Variants in TWIST2 observed in about 807,000 individuals in gnomAD.
TWIST2 encodes the protein twist-related protein 2.
Under a neutral mutation model 11.6 loss-of-function variants are expected in TWIST2, and 1 was observed. That is an observed-to-expected ratio of 0.09 (90% confidence interval 0.03 to 0.41). The LOEUF (loss-of-function observed/expected upper bound fraction) is 0.41, where lower values mean the gene tolerates loss of function less well. Among genes scored for constraint, TWIST2 ranks in the 10% least tolerant of loss-of-function variants. The pLI, the probability that TWIST2 is intolerant of heterozygous loss-of-function variation, is 0.98. For missense variants in TWIST2, 168 were observed against 226.4 expected, an observed-to-expected ratio of 0.74 and a Z score of 1.66; for synonymous variants, 87 against 96.6, an observed-to-expected ratio of 0.90 and a Z score of 0.58.
chr2:238,894,222 C>T (rs1283462007), intron 1 of TWIST2, among the ~76,000 whole-genome samples: 1 of 152,218 alleles, frequency 6.6e-6, no homozygotes, highest in African/African-American at 2.4e-5. Flanking sequence ...GGGTTCCCAG[C>T]ATGTCCCTTT....
intron 1 of TWIST2, among the ~76,000 whole-genome samples, chr2:238,896,753 C>CCA (rs1181423231): frequency 1.1e-4 from 17 of 152,116 alleles, no homozygotes; most frequent in Non-Finnish European, 1.5e-4. Flanking sequence ...CCAGCCGCTG[C>CCA]CACACACACA....
intron 1 of TWIST2, among the ~76,000 whole-genome samples, chr2:238,878,423 A>G (rs541577279): frequency 6.6e-6 from 1 of 152,296 alleles, no homozygotes; most frequent in Admixed American, 6.5e-5. Context: ...TGTGATGAGA[A>G]AAAGAGGATG....
intron 1 of TWIST2, among the ~76,000 whole-genome samples, chr2:238,909,581 C>T (rs934860303): frequency 2.0e-5 from 3 of 152,076 alleles, no homozygotes; most frequent in Non-Finnish European, 4.4e-5. Context: ...TGAGAAAGGG[C>T]ACTCGGGGGC....
chr2:238,895,091 G>A (rs889870773), intron 1 of TWIST2, among the ~76,000 whole-genome samples: 28 of 152,290 alleles, frequency 1.8e-4, no homozygotes, highest in Admixed American at 9.1e-4. Flanking sequence ...ATTTTCGTTC[G>A]CTGCTGCTGC....
intron 1 of TWIST2, among the ~76,000 whole-genome samples, chr2:238,869,588 A>C (rs1692609048): frequency 6.6e-6 from 1 of 152,248 alleles, no homozygotes; most frequent in African/African-American, 2.4e-5. Flanking sequence ...GCCAACAAGC[A>C]CATGAAAAGA....
intron 1 of TWIST2, among the ~76,000 whole-genome samples, chr2:238,906,998 C>CACTT (rs1270267933): frequency 2.6e-4 from 39 of 152,342 alleles, no homozygotes; most frequent in African/African-American, 8.2e-4. Context: ...TGGGAGTGAG[C>CACTT]ACTTACACGG....
chr2:238,903,355 G>A (rs1335090080), intron 1 of TWIST2, among the ~76,000 whole-genome samples: 5 of 146,996 alleles, frequency 3.4e-5, no homozygotes, highest in African/African-American at 1.0e-4. Context: ...TAGTGTGTGT[G>A]TAATGTGAGG....
At chr2:238,902,906 T>TGTGTGATGGGG (rs1693291879) in intron 1 of TWIST2, among the ~76,000 whole-genome samples, 1 of 94,000 alleles carries the variant, frequency 1.1e-5, no homozygotes, top group Admixed American at 1.1e-4. Flanking sequence ...GTGTGATGGG[T>TGTGTGATGGGG]ATGTGCGTGA....
chr2:238,901,534 G>C (rs906461188), intron 1 of TWIST2, among the ~76,000 whole-genome samples: 1 of 152,188 alleles, frequency 6.6e-6, no homozygotes, highest in African/African-American at 2.4e-5. Flanking sequence ...GTTCAGCCTG[G>C]ATGTGCCCCC....
chr2:238,908,361 TACAC>T lies in TWIST2; in HGVS notation c.*36-1477_*36-1474del, dbSNP rs1274807986. On this transcript the variant is annotated intron_variant, in intron 1 of 1. Transcript: ENST00000612363. ...ACACACAAACACACCACACCCCACA[TACAC>T]ACAAACACAAACCACATGCACCACA... 4.3e-5 allele frequency among the ~76,000 whole-genome samples: 6 copies of T among 139,086 alleles called. No homozygotes were observed. In the South Asian group the frequency reaches 7.1e-4, roughly 16 times the overall value. The allele number at this position is 139,086 out of a possible 152,430, so 91.2% of individuals were successfully genotyped here. A position where few individuals can be genotyped will look rare whatever the true frequency, so the allele number is the denominator to read the frequency against.
In TWIST2 at chr2:238,848,556, T is replaced by G. The variant is rs757806034; in HGVS notation, c.341T>G (p.Ile114Arg). The change falls in exon 1 of 2, where the codon ATA becomes AGA. Residue 114 changes from isoleucine (I) to arginine (R), a missense_variant. Ile to Arg is a moderately conservative substitution (Grantham distance 97). This residue lies in a region of TWIST2 where 62 missense variants were observed against 75.3 expected (regional missense o/e 0.82). Coordinates refer to ENST00000612363, the MANE Select transcript of TWIST2 (RefSeq NM_001271893.4). Reference protein sequence around the residue: ...IQTLKLAARYIDFLYQVLQSD... With the variant: ...IQTLKLAARYRDFLYQVLQSD... The stretch of plus-strand genomic sequence containing the variant: ...ACGCTCAAGCTGGCCGCCAGGTACA[T>G]AGACTTCCTCTACCAGGTCCTGCAG... The G allele has an allele frequency of 6.3e-7, 1 of 1,589,382 alleles. No individual in the cohort carries two copies. Among genetic ancestry groups the G allele is most frequent in the Non-Finnish European group, 8.5e-7 (1 of 1,170,146 alleles).
In TWIST2 at chr2:238,863,160, C is replaced by T. The variant is rs1198311582; in HGVS notation, c.*35+14427C>T. ...GATAGTGTGGCAGGCACATGCTGAC[C>T]GACCCTCCCTCCAGAGAAGGGCAAC... On this transcript the variant is annotated intron_variant, in intron 1 of 1. Coordinates refer to ENST00000612363, the MANE Select transcript of TWIST2 (RefSeq NM_001271893.4). The surrounding 1 kb of genome is among the most constrained non-coding windows in gnomAD (Gnocchi z 4.7). Among the ~76,000 whole-genome samples the T allele has an allele frequency of 6.6e-6, 1 of 151,862 alleles. No individual in the cohort carries two copies. The highest frequency in any genetic ancestry group is 2.1e-4 in the South Asian group (1 of 4,810).
At chr2:238,858,035 G>C (rs1692362200) in intron 1 of TWIST2, among the ~76,000 whole-genome samples, 1 of 152,194 alleles carries the variant, frequency 6.6e-6, no homozygotes, top group Admixed American at 6.5e-5. Flanking sequence ...AACTGGCCTG[G>C]GGGTTCTCTG....
intron 1 of TWIST2, among the ~76,000 whole-genome samples, chr2:238,892,559 C>T (rs1340474236): frequency 6.6e-6 from 1 of 152,154 alleles, no homozygotes; most frequent in East Asian, 1.9e-4. Flanking sequence ...CGGCTCACTG[C>T]AACCTCCGCC....
intron 1 of TWIST2, among the ~76,000 whole-genome samples, chr2:238,894,842 A>G (rs1370684153): frequency 2.6e-5 from 4 of 152,176 alleles, no homozygotes; most frequent in Non-Finnish European, 4.4e-5. Context: ...CCTTCCCTGT[A>G]TGTTTATTAT....
chr2:238,857,325 G>A (rs1002980079), intron 1 of TWIST2, among the ~76,000 whole-genome samples: 2 of 152,192 alleles, frequency 1.3e-5, no homozygotes, highest in Non-Finnish European at 2.9e-5. Context: ...CTATCAGCTC[G>A]TGCTGATGAA....
At chr2:238,902,857 TGGGTATGTGC>T in intron 1 of TWIST2, among the ~76,000 whole-genome samples, 1 of 112,690 alleles carries the variant, frequency 8.9e-6, no homozygotes. Flanking sequence ...GGGTGTGTGA[TGGGTATGTGC>T]GTGATGTGAG....
intron 1 of TWIST2, among the ~76,000 whole-genome samples, chr2:238,854,701 G>C (rs999647265): frequency 6.6e-6 from 1 of 152,200 alleles, no homozygotes; most frequent in African/African-American, 2.4e-5. Context: ...TCTGTAAGTA[G>C]ATGCCCCTGC....
At chr2:238,862,091 C>T (rs1029574233) in intron 1 of TWIST2, among the ~76,000 whole-genome samples, 14 of 152,202 alleles carry the variant, frequency 9.2e-5, no homozygotes, top group Admixed American at 1.3e-4. Context: ...CGGAACACAG[C>T]GGGACATCAG....
Sources: allele counts gnomAD v4.1 joint callset (sites outside exome capture counted in the v4.1 genomes callset), GRCh38; gene constraint gnomAD v4.1.1; regional missense constraint gnomAD v4.1.1; non-coding constraint Gnocchi (gnomAD v3.1); transcripts MANE v1.5; gene names NCBI Gene and HGNC (gene_info 2026-07-23, HGNC 2026-07-21).